CNTNAP2: variants seen among roughly 807,000 people sequenced by gnomAD.
The protein encoded by CNTNAP2 is contactin-associated protein-like 2.
CNTNAP2 carries 98 observed loss-of-function variants against 155.2 expected under a neutral mutation model. The ratio of observed to expected loss-of-function variants is 0.63; its 90% CI spans 0.54 to 0.75. The LOEUF is 0.75. CNTNAP2 is among the 30% of genes least tolerant of loss of function. The pLI is 0.00. For synonymous variants in CNTNAP2, 651 were observed against 631.2 expected (o/e 1.03, Z -0.47); for missense variants, 1,727 against 1,688.1 (o/e 1.02, Z -0.40).
intron 13 of CNTNAP2, among the ~76,000 whole-genome samples, chr7:147,700,549 C>T (rs1158290390): frequency 2.0e-5 from 3 of 152,112 alleles, no homozygotes; most frequent in African/African-American, 7.2e-5. Flanking sequence ...AGCCACAAAA[C>T]GTATGCCTAA....
intron 11 of CNTNAP2, among the ~76,000 whole-genome samples, chr7:147,488,108 T>C (rs1191662578): frequency 1.3e-5 from 2 of 152,222 alleles, no homozygotes; most frequent in Non-Finnish European, 2.9e-5. Flanking sequence ...TGCCTCCTAA[T>C]AACCTGAAAG....
At chr7:146,687,750 A>C (rs1201347555) in intron 1 of CNTNAP2, among the ~76,000 whole-genome samples, 1 of 152,196 alleles carries the variant, frequency 6.6e-6, no homozygotes, top group African/African-American at 2.4e-5. Context: ...AGGAGATGAC[A>C]ATGCAACCAG....
At chr7:147,022,716 T>C (rs994051523) in intron 3 of CNTNAP2, among the ~76,000 whole-genome samples, 1 of 152,070 alleles carries the variant, frequency 6.6e-6, no homozygotes, top group African/African-American at 2.4e-5. Flanking sequence ...TATTGTTCTA[T>C]CTATAACAAA....
intron 1 of CNTNAP2, among the ~76,000 whole-genome samples, chr7:146,148,078 A>G (rs965818304): frequency 6.6e-6 from 1 of 152,150 alleles, no homozygotes; most frequent in African/African-American, 2.4e-5. Flanking sequence ...TAAAGATACC[A>G]AATTTGTTTA....
At chr7:147,494,158 C>T (rs1465589720) in intron 11 of CNTNAP2, among the ~76,000 whole-genome samples, 1 of 152,100 alleles carries the variant, frequency 6.6e-6, no homozygotes, top group African/African-American at 2.4e-5. Flanking sequence ...TCATCTGGCA[C>T]CTACACAGAA....
At chr7:146,533,445 CTTTAT>C (rs1257696499) in intron 1 of CNTNAP2, among the ~76,000 whole-genome samples, 1 of 152,076 alleles carries the variant, frequency 6.6e-6, no homozygotes, top group African/African-American at 2.4e-5. Context: ...TGTAAAGAAA[CTTTAT>C]TTTAACATTA....
At chr7:147,005,284 T>C (rs1028499379) in intron 3 of CNTNAP2, among the ~76,000 whole-genome samples, 1 of 152,060 alleles carries the variant, frequency 6.6e-6, no homozygotes, top group Non-Finnish European at 1.5e-5. Flanking sequence ...TTGTCTCCTC[T>C]TTAATCTCAC....
chr7:146,906,619 T>C (rs1241894418), intron 3 of CNTNAP2, among the ~76,000 whole-genome samples: 5 of 151,754 alleles, frequency 3.3e-5, no homozygotes, highest in Admixed American at 6.6e-5. Flanking sequence ...AACTAACAAA[T>C]AGAAAGGACA....
intron 9 of CNTNAP2, among the ~76,000 whole-genome samples, chr7:147,374,458 GT>G: frequency 6.6e-6 from 1 of 152,110 alleles, no homozygotes; most frequent in Non-Finnish European, 1.5e-5. Flanking sequence ...CGACACTTGT[GT>G]TTTAGTTCAT....
chr7:146,850,266 G>A (rs1368919853), intron 3 of CNTNAP2, among the ~76,000 whole-genome samples: 2 of 152,140 alleles, frequency 1.3e-5, no homozygotes, highest in Admixed American at 1.3e-4. Flanking sequence ...TGAAAATAAT[G>A]TTTGAGATAA....
chr7:148,310,363 T>C (rs990209013), intron 21 of CNTNAP2, among the ~76,000 whole-genome samples: 1 of 152,224 alleles, frequency 6.6e-6, no homozygotes. Context: ...TCAGCGGTTT[T>C]GGAGGACAAC....
intron 1 of CNTNAP2, among the ~76,000 whole-genome samples, chr7:146,595,203 A>G (rs1563149340): frequency 6.6e-6 from 1 of 152,030 alleles, no homozygotes; most frequent in Non-Finnish European, 1.5e-5. Context: ...AATTTCATAA[A>G]TTGATTATAG....
intron 20 of CNTNAP2, among the ~76,000 whole-genome samples, chr7:148,253,039 TA>T (rs1302475162): frequency 0.012 from 1,433 of 124,446 alleles, 16 homozygotes; most frequent in African/African-American, 0.016. Context: ...GATAGATAGA[TA>T]GATAGATAGA....
At chr7:146,392,417 A>G (rs544192214) in intron 1 of CNTNAP2, among the ~76,000 whole-genome samples, 1 of 152,306 alleles carries the variant, frequency 6.6e-6, no homozygotes, top group African/African-American at 2.4e-5. Context: ...GTAAAGGATA[A>G]AGAAGGATGA....
intron 8 of CNTNAP2, among the ~76,000 whole-genome samples, chr7:147,226,714 G>A (rs1194541601): frequency 6.6e-6 from 1 of 152,108 alleles, no homozygotes; most frequent in Non-Finnish European, 1.5e-5. Flanking sequence ...GCCTCTTTTG[G>A]AGATTTTCCC....
intron 8 of CNTNAP2, among the ~76,000 whole-genome samples, chr7:147,278,244 C>T (rs1222505020): frequency 6.6e-6 from 1 of 151,668 alleles, no homozygotes; most frequent in East Asian, 1.9e-4. Context: ...ATGAAGTCTT[C>T]CCTATATCCT....
chr7:147,292,826 A>G (rs546906580), intron 8 of CNTNAP2, among the ~76,000 whole-genome samples: 16 of 152,252 alleles, frequency 1.1e-4, no homozygotes, highest in African/African-American at 3.9e-4. Flanking sequence ...CTGGAGTGCA[A>G]TACCACAATC....
intron 3 of CNTNAP2, among the ~76,000 whole-genome samples, chr7:146,985,709 GTTT>G (rs1225029515): frequency 2.6e-5 from 4 of 152,106 alleles, no homozygotes; most frequent in African/African-American, 9.7e-5. Context: ...CAGTCGATAA[GTTT>G]TTCACAAATA....
intron 1 of CNTNAP2, among the ~76,000 whole-genome samples, chr7:146,715,233 G>A (rs1444548829): frequency 6.6e-6 from 1 of 152,116 alleles, no homozygotes; most frequent in Admixed American, 6.5e-5. Flanking sequence ...TCAGGAGACT[G>A]AGGCTGGAGT....
Sources: gnomAD v4.1 joint callset for allele counts (sites outside exome capture counted in the v4.1 genomes callset) on GRCh38, gnomAD v4.1.1 for gene constraint, MANE v1.5 for transcripts, NCBI Gene and HGNC (gene_info 2026-07-23, HGNC 2026-07-21) for gene names.